The following MAGI2 variants were observed in gnomAD, a reference collection of about 807,000 sequenced individuals.
MAGI2 encodes the protein membrane-associated guanylate kinase, WW and PDZ domain-containing protein 2.
A neutral mutation model predicts 133.3 loss-of-function variants in MAGI2; 35 were observed. That is an observed-to-expected ratio of 0.26 (90% CI 0.20 to 0.35). The LOEUF (loss-of-function observed/expected upper bound fraction) is 0.35, where lower values mean the gene tolerates loss of function less well. Ranked by LOEUF, MAGI2 falls within the 10% of genes least tolerant of loss-of-function variation. MAGI2 has a pLI of 1.00. For synonymous variants in MAGI2, 729 were observed against 710.6 expected (o/e 1.03, Z -0.41); for missense variants, 1,636 against 1,863.4 (o/e 0.88, Z 2.25).
chr7:79,075,494 C>A (rs1815380496), intron 1 of MAGI2, among the ~76,000 whole-genome samples: 1 of 152,136 alleles, frequency 6.6e-6, no homozygotes, highest in Non-Finnish European at 1.5e-5. Context: ...GGAGTGGTGG[C>A]TCACATCTGT....
At chr7:78,316,727 CTT>C (rs1452523622) in intron 9 of MAGI2, among the ~76,000 whole-genome samples, 1 of 151,554 alleles carries the variant, frequency 6.6e-6, no homozygotes, top group African/African-American at 2.4e-5. Context: ...ATGTGAAACT[CTT>C]TATTAAGCAC....
At chr7:79,330,683 C>A (rs1477064607) in intron 1 of MAGI2, among the ~76,000 whole-genome samples, 1 of 151,912 alleles carries the variant, frequency 6.6e-6, no homozygotes. Flanking sequence ...AGGTGAGTTA[C>A]TGGTTGAAGC....
chr7:78,568,048 T>C (rs954753329), intron 3 of MAGI2: 1 of 152,226 alleles, frequency 6.6e-6, no homozygotes, highest in Admixed American at 6.5e-5. Context: ...CTTAAAACAC[T>C]TTCTTCAGTT....
chr7:79,167,717 A>T (rs745648372), intron 1 of MAGI2, among the ~76,000 whole-genome samples: 3 of 152,036 alleles, frequency 2.0e-5, no homozygotes, highest in Non-Finnish European at 4.4e-5. Flanking sequence ...TTTTAGGAAG[A>T]ATTTAAAACA....
intron 9 of MAGI2, chr7:78,285,643 T>C (rs1462224298): frequency 6.6e-6 from 1 of 152,174 alleles, no homozygotes; most frequent in Non-Finnish European, 1.5e-5. Flanking sequence ...ACCATTACCT[T>C]TAACTGCCTC....
intron 2 of MAGI2, among the ~76,000 whole-genome samples, chr7:78,965,744 G>T (rs1056069299): frequency 2.8e-4 from 42 of 152,112 alleles, no homozygotes; most frequent in African/African-American, 9.6e-4. Context: ...TAGGATATTA[G>T]CTTGTTGCAA....
At chr7:78,497,051 C>T (rs954038889) in intron 5 of MAGI2, among the ~76,000 whole-genome samples, 2 of 152,082 alleles carry the variant, frequency 1.3e-5, no homozygotes, top group Admixed American at 6.6e-5. Context: ...GTTAAGGTAA[C>T]GCGAATACAC....
rs1478604050 is a variant in MAGI2, at chr7:78,135,177, C to G, written c.2875G>C (p.Asp959His). The change falls in exon 17 of 22, where the codon GAT becomes CAT. Residue 959 changes from aspartate to histidine, a missense_variant. Physicochemically the swap from Asp to His is moderately conservative, Grantham distance 81. Coordinates refer to ENST00000354212, the MANE Select transcript of MAGI2 (RefSeq NM_012301.4). ...GCACAGCGATCTGCAGGACTCCCAT[C>G]AATGATGCGTCCGATTTTATGGGGC... ...TVPHKIGRII[D>H]GSPADRCAKL... 1 of 1,614,016 alleles carries G rather than the reference C, an allele frequency of 6.2e-7. No homozygotes were observed. The highest frequency in any genetic ancestry group is 1.3e-5 in the African/African-American group (1 of 74,924).
At chr7:79,263,245 G>T (rs886689766) in intron 1 of MAGI2, among the ~76,000 whole-genome samples, 3 of 152,100 alleles carry the variant, frequency 2.0e-5, no homozygotes, top group African/African-American at 7.2e-5. Flanking sequence ...GTAAGGCACT[G>T]CACTAAATGC....
chr7:79,234,086 T>C (rs1283826147), intron 1 of MAGI2, among the ~76,000 whole-genome samples: 1 of 141,852 alleles, frequency 7.0e-6, no homozygotes. Context: ...AATTCTGGGT[T>C]GAAAATTCTT....
chr7:78,875,788 A>G lies in MAGI2; in HGVS notation c.418+131302T>C, dbSNP rs567014014. Among the ~76,000 whole-genome samples the G allele has an allele frequency of 2.6e-5, 4 of 152,338 alleles. No individual in the cohort carries two copies. The East Asian group carries it at 7.7e-4, about 29-fold the overall frequency. ...CTAGATTTTGGGCATAGCAAACAAA[A>G]ACTTCAGCAGCTGGTCTAAATATGT... On this transcript the variant is annotated intron_variant, in intron 2 of 21. Coordinates refer to ENST00000354212, the MANE Select transcript of MAGI2 (RefSeq NM_012301.4).
At chr7:78,619,808 T>C (rs1469109057) in intron 3 of MAGI2, among the ~76,000 whole-genome samples, 1 of 151,890 alleles carries the variant, frequency 6.6e-6, no homozygotes, top group East Asian at 1.9e-4. Context: ...TATAAAACCT[T>C]AAAGGGGTAT....
At chr7:78,320,270 A>G (rs1787867026) in intron 9 of MAGI2, among the ~76,000 whole-genome samples, 1 of 152,210 alleles carries the variant, frequency 6.6e-6, no homozygotes, top group African/African-American at 2.4e-5. Flanking sequence ...TACTCATTTT[A>G]TGAGGCCAGC....
At chr7:79,041,846 C>A (rs1047799703) in intron 1 of MAGI2, among the ~76,000 whole-genome samples, 1 of 151,920 alleles carries the variant, frequency 6.6e-6, no homozygotes, top group African/African-American at 2.4e-5. Flanking sequence ...ATACCATGGA[C>A]AAATAACTTG....
chr7:78,714,752 G>A (rs1024938264), intron 2 of MAGI2, among the ~76,000 whole-genome samples: 2 of 152,154 alleles, frequency 1.3e-5, no homozygotes, highest in African/African-American at 4.8e-5. Flanking sequence ...CATCATGGTA[G>A]GAGGGAAATG....
At chr7:79,247,444 G>A (rs1000162710) in intron 1 of MAGI2, among the ~76,000 whole-genome samples, 3 of 152,082 alleles carry the variant, frequency 2.0e-5, no homozygotes, top group East Asian at 1.9e-4. Flanking sequence ...GTGAGACCTC[G>A]TCTCTAAAAA....
chr7:79,448,646 T>C (rs1286026128), intron 1 of MAGI2, among the ~76,000 whole-genome samples: 3 of 152,158 alleles, frequency 2.0e-5, no homozygotes, highest in Non-Finnish European at 4.4e-5. Flanking sequence ...ACCATTGCTC[T>C]ACCCCACCTT....
chr7:78,461,419 T>TGC (rs1384539412), intron 6 of MAGI2, among the ~76,000 whole-genome samples: 1 of 145,984 alleles, frequency 6.9e-6, no homozygotes, highest in African/African-American at 2.5e-5. Context: ...TGTGTGTGTG[T>TGC]GTGTGTTGGG....
At chr7:78,828,050 A>C (rs750862806) in intron 2 of MAGI2, among the ~76,000 whole-genome samples, 1 of 151,928 alleles carries the variant, frequency 6.6e-6, no homozygotes, top group Non-Finnish European at 1.5e-5. Context: ...ATGCCCGGCT[A>C]ATTTTTGTAT....
Sources: allele counts gnomAD v4.1 joint callset (sites outside exome capture counted in the v4.1 genomes callset), GRCh38; gene constraint gnomAD v4.1.1; transcripts MANE v1.5; gene names NCBI Gene and HGNC (gene_info 2026-07-23, HGNC 2026-07-21).